Variants in ANXA4 observed in about 807,000 individuals in gnomAD.
The protein encoded by ANXA4 is annexin A4, also known as 35-beta calcimedin.
In ANXA4, 39 loss-of-function variants were observed where a neutral mutation model predicts 49.8. That is an observed-to-expected ratio of 0.78 (90% CI 0.61 to 1.02). The LOEUF (loss-of-function observed/expected upper bound fraction) is 1.02, where lower values mean the gene tolerates loss of function less well. ANXA4 is among the 50% of genes least tolerant of loss of function. ANXA4 has a pLI of 0.00. For synonymous variants in ANXA4, 134 were observed against 152.5 expected, an observed-to-expected ratio of 0.88 and a Z score of 0.89; for missense variants, 360 against 410.1, an observed-to-expected ratio of 0.88 and a Z score of 1.05.
At chr2:69,655,289 G>T (rs939613323) in intron 2 of ANXA4, among the ~76,000 whole-genome samples, 1 of 152,024 alleles carries the variant, frequency 6.6e-6, no homozygotes, top group African/African-American at 2.4e-5. Context: ...CTGACCAAGG[G>T]CTAATACCCA....
chr2:69,646,593 T>G (rs915243206), intron 1 of ANXA4, among the ~76,000 whole-genome samples: 2 of 152,184 alleles, frequency 1.3e-5, no homozygotes, highest in Admixed American at 1.3e-4. Flanking sequence ...ATTGTTACAA[T>G]AGTGATCATA....
chr2:69,688,264 G>T (rs1449425459), intron 2 of ANXA4, among the ~76,000 whole-genome samples: 1 of 152,134 alleles, frequency 6.6e-6, no homozygotes, highest in Non-Finnish European at 1.5e-5. Flanking sequence ...TATATTTTCT[G>T]TGATAACGTT....
chr2:69,704,323 A>G (rs1678422747), intron 2 of ANXA4, among the ~76,000 whole-genome samples: 1 of 152,216 alleles, frequency 6.6e-6, no homozygotes, highest in African/African-American at 2.4e-5. Flanking sequence ...TACAAAAAGT[A>G]ACTAACTACT....
At position 69,718,751 on chromosome 2, in the gene ANXA4, GCATACACACA is replaced by G. The variant is rs555183805; in HGVS notation, n.767-2009_767-2000del. Among the ~76,000 whole-genome samples, 962 of 146,234 alleles carry G rather than the reference GCATACACACA, an allele frequency of 6.6e-3. 5 individuals carry two copies. Among genetic ancestry groups the G allele is most frequent in the Admixed American group, 0.013 (197 of 15,170 alleles). On this transcript the variant is annotated intron_variant and non_coding_transcript_variant, in intron 2 of 3. Coordinates refer to the ANXA4 transcript ENST00000418066. ...CATACACAAATGCACACACATACAT[GCATACACACA>G]CATACACACACATTCACACACATGC...
intron 12 of ANXA4, among the ~76,000 whole-genome samples, chr2:69,822,501 AAAC>A (rs1416567382): frequency 6.6e-6 from 1 of 152,248 alleles, no homozygotes; most frequent in Non-Finnish European, 1.5e-5. Flanking sequence ...CACAAGGTGG[AAAC>A]AACCTAAATA....
intron 1 of ANXA4, among the ~76,000 whole-genome samples, chr2:69,777,104 G>T (rs765118138): frequency 6.6e-6 from 1 of 152,168 alleles, no homozygotes; most frequent in Non-Finnish European, 1.5e-5. Flanking sequence ...ATAGGGTGGG[G>T]CACGTGGGGA....
chr2:69,688,577 A>C (rs1254229579), intron 2 of ANXA4, among the ~76,000 whole-genome samples: 1 of 152,254 alleles, frequency 6.6e-6, no homozygotes, highest in Non-Finnish European at 1.5e-5. Flanking sequence ...ACGCTGAAGT[A>C]CAGAAAATGT....
chr2:69,685,603 C>T (rs1229511540), intron 2 of ANXA4, among the ~76,000 whole-genome samples: 2 of 152,118 alleles, frequency 1.3e-5, no homozygotes, highest in Non-Finnish European at 2.9e-5. Context: ...ATGATGAATA[C>T]TTGAATGGCA....
chr2:69,819,374 G>T, intron 11 of ANXA4, 36 bp downstream of exon 11: 1 of 1,513,654 alleles, frequency 6.6e-7, no homozygotes, highest in African/African-American at 1.4e-5. Flanking sequence ...AAATGAATTT[G>T]AGTTATCTTG....
intron 2 of ANXA4, among the ~76,000 whole-genome samples, chr2:69,707,562 G>GC (rs1373968284): frequency 6.6e-6 from 1 of 151,990 alleles, no homozygotes; most frequent in Non-Finnish European, 1.5e-5. Context: ...GTTGTTCTTC[G>GC]CATGTATTTA....
At chr2:69,672,027 G>T (rs763680479) in intron 2 of ANXA4, among the ~76,000 whole-genome samples, 15 of 152,170 alleles carry the variant, frequency 9.9e-5, no homozygotes, top group Non-Finnish European at 2.1e-4. Context: ...AACTCTTGAG[G>T]ATGGGTAGCA....
At chr2:69,793,116 G>T (rs185036907) in intron 3 of ANXA4, among the ~76,000 whole-genome samples, 1 of 152,212 alleles carries the variant, frequency 6.6e-6, no homozygotes, top group East Asian at 1.9e-4. Context: ...GATGGATGTG[G>T]TGGCGCGTGC....
At chr2:69,805,370 G>A (rs999895525) in intron 4 of ANXA4, among the ~76,000 whole-genome samples, 4 of 152,154 alleles carry the variant, frequency 2.6e-5, no homozygotes, top group African/African-American at 7.2e-5. Context: ...TTGGGAGGCC[G>A]AGGCGAGTGG....
At chr2:69,788,722 C>T (rs1391125351) in intron 3 of ANXA4, among the ~76,000 whole-genome samples, 2 of 151,402 alleles carry the variant, frequency 1.3e-5, no homozygotes, top group African/African-American at 4.9e-5. Flanking sequence ...CCTGTAGTCC[C>T]AGCTACTCAG....
chr2:69,714,718 A>G (rs1216825226), intron 2 of ANXA4, among the ~76,000 whole-genome samples: 1 of 152,214 alleles, frequency 6.6e-6, no homozygotes, highest in Admixed American at 6.5e-5. Flanking sequence ...CATGTACCCA[A>G]TCAATAGCCA....
intron 2 of ANXA4, among the ~76,000 whole-genome samples, chr2:69,687,650 C>T (rs1396891020): frequency 2.6e-5 from 4 of 152,094 alleles, no homozygotes; most frequent in Admixed American, 1.3e-4. Context: ...AGATGGTTCA[C>T]GCATCAAAAG....
chr2:69,651,079 C>T (rs955399174), intron 1 of ANXA4, among the ~76,000 whole-genome samples: 1 of 152,114 alleles, frequency 6.6e-6, no homozygotes, highest in Non-Finnish European at 1.5e-5. Context: ...TAAATTGTAT[C>T]CTCTTCCATT....
intron 3 of ANXA4, among the ~76,000 whole-genome samples, chr2:69,734,200 T>C (rs1208810592): frequency 6.6e-6 from 1 of 152,188 alleles, no homozygotes; most frequent in African/African-American, 2.4e-5. Context: ...TGGCCTCTAG[T>C]CTCTCCTCCT....
At chr2:69,718,745 A>G (rs1669723254) in intron 2 of ANXA4, among the ~76,000 whole-genome samples, 1 of 148,894 alleles carries the variant, frequency 6.7e-6, no homozygotes, top group Admixed American at 6.6e-5. Context: ...ATGCACACAC[A>G]TACATGCATA....
Sources: gnomAD v4.1 joint callset for allele counts (sites outside exome capture counted in the v4.1 genomes callset) on GRCh38, gnomAD v4.1.1 for gene constraint, MANE v1.5 for transcripts, NCBI Gene and HGNC (gene_info 2026-07-23, HGNC 2026-07-21) for gene names.